Variants in BICDL1 observed in about 807,000 individuals in gnomAD.
BICDL1 encodes BICD family-like cargo adapter 1.
A neutral mutation model predicts 76.8 loss-of-function variants in BICDL1; 20 were observed. The ratio of observed to expected loss-of-function variants is 0.26; its 90% CI spans 0.18 to 0.38. The LOEUF (loss-of-function observed/expected upper bound fraction) is 0.38, where lower values mean the gene tolerates loss of function less well. BICDL1 is among the 10% of genes least tolerant of loss of function. The probability of loss-of-function intolerance (pLI) is 1.00; values close to 1 mark genes in which losing one functional copy is unlikely to be tolerated. For synonymous variants in BICDL1, 383 were observed against 337.1 expected (o/e 1.14, Z -1.49); for missense variants, 700 against 798.6 (o/e 0.88, Z 1.49).
intron 2 of BICDL1, chr12:120,019,408 G>A (rs1434644061): frequency 1.3e-5 from 2 of 152,230 alleles, no homozygotes; most frequent in African/African-American, 2.4e-5. Flanking sequence ...GGACTATGAA[G>A]TTAGAGATTG....
At chr12:120,074,718 G>A in intron 7 of BICDL1, 132 bp downstream of exon 7, 1 of 708,914 alleles carries the variant, frequency 1.4e-6, no homozygotes, top group Non-Finnish European at 1.8e-6. Flanking sequence ...TCAAGGAATG[G>A]TGACCTGAAG....
chr12:120,092,650 A>G, intron 9 of BICDL1: 4 of 985,450 alleles, frequency 4.1e-6, no homozygotes, highest in Non-Finnish European at 4.8e-6. Flanking sequence ...CACAGGACAC[A>G]GGAGGCAGAG....
At position 120,094,168 on chromosome 12, in the gene BICDL1, C is replaced by G. The variant is rs781627163; in HGVS notation, c.*1007C>G. Reference sequence around the variant, plus strand: ...GCAGAAGCCTGCAGTGGCTGCTGCTCCTGCCTCTGCAGCCGCCCCTCCTCC... The same window carrying G: ...GCAGAAGCCTGCAGTGGCTGCTGCTGCTGCCTCTGCAGCCGCCCCTCCTCC... On this transcript the variant is annotated 3_prime_UTR_variant, in exon 10 of 10. Transcript: ENST00000548673. 6 of 447,626 alleles carry G rather than the reference C, an allele frequency of 1.3e-5. 1 individual carries two copies. The highest frequency in any genetic ancestry group is 9.4e-5 in the South Asian group (6 of 63,968). 27.7% of individuals were successfully genotyped at this position (447,626 alleles called of 1,614,324 possible). A position where few individuals can be genotyped will look rare whatever the true frequency, so the allele number is the denominator to read the frequency against.
At chr12:120,003,759 C>T (rs1397520829) in intron 2 of BICDL1, among the ~76,000 whole-genome samples, 1 of 152,226 alleles carries the variant, frequency 6.6e-6, no homozygotes, top group Non-Finnish European at 1.5e-5. Context: ...TTGCACTGTG[C>T]TTCTCCATGG....
chr12:120,002,586 C>T (rs1951779276), intron 2 of BICDL1, among the ~76,000 whole-genome samples: 1 of 152,142 alleles, frequency 6.6e-6, no homozygotes, highest in Admixed American at 6.5e-5. Flanking sequence ...CTCTCATTAC[C>T]CTCCTCTAAA....
chr12:120,077,564 C>T (rs1184868541), intron 7 of BICDL1, among the ~76,000 whole-genome samples: 1 of 152,194 alleles, frequency 6.6e-6, no homozygotes, highest in South Asian at 2.1e-4. Flanking sequence ...TTGTTTGGAT[C>T]CTTCATGCTT....
intron 2 of BICDL1, chr12:120,056,904 A>G (rs1459132078): frequency 2.4e-5 from 8 of 329,292 alleles, no homozygotes; most frequent in South Asian, 1.4e-4. Context: ...GCCTCCTCCC[A>G]GCCGACCGCC....
At chr12:120,089,380 G>A (rs1874758445) in intron 8 of BICDL1, among the ~76,000 whole-genome samples, 1 of 149,798 alleles carries the variant, frequency 6.7e-6, no homozygotes, top group African/African-American at 2.5e-5. Context: ...TTCAACGTGT[G>A]TGTGTGTGTG....
chr12:120,032,361 T>C (rs552950372), intron 2 of BICDL1, among the ~76,000 whole-genome samples: 1 of 152,226 alleles, frequency 6.6e-6, no homozygotes, highest in South Asian at 2.1e-4. Flanking sequence ...AAGTATCTTA[T>C]GGCCTAGCCA....
intron 2 of BICDL1, among the ~76,000 whole-genome samples, chr12:120,018,169 C>T (rs1337362900): frequency 1.3e-5 from 2 of 152,188 alleles, no homozygotes; most frequent in African/African-American, 2.4e-5. Flanking sequence ...GTCCCACCCT[C>T]AGAGATTTGA....
In BICDL1 at chr12:120,093,476, C is replaced by A; in HGVS notation, c.*315C>A. 5.6e-6 allele frequency: 2 copies of A among 357,664 alleles called. No individual in the cohort carries two copies. The highest frequency in any genetic ancestry group is 1.1e-5 in the Non-Finnish European group (2 of 190,232). The allele number at this position is 357,664 out of a possible 1,614,324, so 22.2% of individuals were successfully genotyped here. On this transcript the variant is annotated 3_prime_UTR_variant, in exon 10 of 10. Transcript: ENST00000548673. The stretch of plus-strand genomic sequence containing the variant: ...CCCCTTGGTGTTGGGCTTTGCAGCT[C>A]ACACCCAACAGATCGCAGCCCACCC...
chr12:119,995,803 A>G (rs1472081984), intron 1 of BICDL1, among the ~76,000 whole-genome samples: 1 of 151,964 alleles, frequency 6.6e-6, no homozygotes, highest in African/African-American at 2.4e-5. Flanking sequence ...TGGCTAACAC[A>G]GTGAAACCCT....
intron 2 of BICDL1, among the ~76,000 whole-genome samples, chr12:120,058,416 G>A (rs1045856983): frequency 6.6e-6 from 1 of 152,124 alleles, no homozygotes; most frequent in Admixed American, 6.6e-5. Flanking sequence ...GTTGTTGAGT[G>A]ATTCATGTCA....
intron 8 of BICDL1, among the ~76,000 whole-genome samples, chr12:120,087,513 G>A (rs528617995): frequency 1.3e-4 from 20 of 152,346 alleles, no homozygotes; most frequent in Non-Finnish European, 2.4e-4. Context: ...TGTGAAGCTC[G>A]AGCTAGGCGG....
At chr12:120,088,066 T>C (rs148301322) in intron 8 of BICDL1, among the ~76,000 whole-genome samples, 3,556 of 152,192 alleles carry the variant, frequency 0.023, 147 homozygotes, top group African/African-American at 0.081. Flanking sequence ...GTAGCTGGGA[T>C]TACAGGCAGC....
chr12:120,093,416 G>A lies in BICDL1; in HGVS notation c.*255G>A, dbSNP rs537993134. 3.9e-4 allele frequency: 198 copies of A among 508,868 alleles called. No homozygotes were observed. Among genetic ancestry groups the A allele is most frequent in the Non-Finnish European group, 5.8e-4 (165 of 282,346 alleles). The allele number at this position is 508,868 out of a possible 1,614,324, so 31.5% of individuals were successfully genotyped here. ...CACGCCTGGGCTTCTCCAGGACCAC[G>A]TGCTTGAGCAGGGTTAGGCCACCTC... On this transcript the variant is annotated 3_prime_UTR_variant, in exon 10 of 10. Transcript: ENST00000548673.
intron 9 of BICDL1, chr12:120,091,151 C>T: frequency 8.2e-7 from 1 of 1,214,360 alleles, no homozygotes; most frequent in Middle Eastern, 2.9e-4. Context: ...GTGACATGCC[C>T]TCAAGTCCCA....
chr12:120,089,319 TCTG>T (rs146269275), intron 8 of BICDL1, among the ~76,000 whole-genome samples: 1,882 of 148,978 alleles, frequency 0.013, 41 homozygotes, highest in East Asian at 0.048. Context: ...GTGACGGAGT[TCTG>T]CTCTTTCAAC....
At chr12:120,077,331 C>T (rs1873627795) in intron 7 of BICDL1, among the ~76,000 whole-genome samples, 1 of 152,154 alleles carries the variant, frequency 6.6e-6, no homozygotes. Context: ...GTGGTGTGCC[C>T]CCTCCTACCC....
Sources: allele counts gnomAD v4.1 joint callset (sites outside exome capture counted in the v4.1 genomes callset), GRCh38; gene constraint gnomAD v4.1.1; transcripts MANE v1.5; gene names NCBI Gene and HGNC (gene_info 2026-07-23, HGNC 2026-07-21).